Variants in CCDC85A observed in about 807,000 individuals in gnomAD.
CCDC85A encodes the protein coiled-coil domain containing 85A, also known as coiled-coil domain-containing protein 85A.
CCDC85A carries 38 observed loss-of-function variants against 50.2 expected under a neutral mutation model. The observed-to-expected ratio is 0.76, with a 90% CI of 0.58 to 0.99. The LOEUF (loss-of-function observed/expected upper bound fraction) is 0.99, where lower values mean the gene tolerates loss of function less well. Ranked by LOEUF, CCDC85A falls within the 50% of genes least tolerant of loss-of-function variation. CCDC85A has a pLI of 0.00. For synonymous variants in CCDC85A, 366 were observed against 301.4 expected (o/e 1.21, Z -2.22); for missense variants, 820 against 742.0 (o/e 1.11, Z -1.22).
chr2:56,213,303 G>C (rs1187822292), intron 2 of CCDC85A, among the ~76,000 whole-genome samples: 1 of 151,944 alleles, frequency 6.6e-6, no homozygotes, highest in Non-Finnish European at 1.5e-5. Flanking sequence ...AGCTCACTTA[G>C]TCCTTGGACC....
chr2:56,293,621 A>C (rs951664782), intron 2 of CCDC85A, among the ~76,000 whole-genome samples: 3 of 152,214 alleles, frequency 2.0e-5, no homozygotes, highest in African/African-American at 7.2e-5. Context: ...AGAAAAAAAC[A>C]ACTCCATCAA....
At position 56,384,325 on chromosome 2, in the gene CCDC85A, G is replaced by T. The variant is rs757803396; in HGVS notation, c.1632G>T (p.Leu544Phe). Residue 544 changes from leucine to phenylalanine, a missense_variant, in exon 6 of 6, where the codon TTG becomes TTT. Leu to Phe is a conservative substitution (Grantham distance 22). Transcript: ENST00000407595. ...AGSCPGIRQH[L>F]SGNQYKGPM The stretch of plus-strand genomic sequence containing the variant: ...CGTGTCCTGGAATTAGGCAACATTT[G>T]TCAGGAAACCAGTACAAAGGACCAA... 7.4e-6 allele frequency: 12 copies of T among 1,611,012 alleles called. No homozygotes were observed. The South Asian group carries it at 1.2e-4, about 16-fold the overall frequency.
At chr2:56,336,203 G>A (rs1325724749) in intron 2 of CCDC85A, among the ~76,000 whole-genome samples, 1 of 151,920 alleles carries the variant, frequency 6.6e-6, no homozygotes, top group African/African-American at 2.4e-5. Flanking sequence ...CCCCCAGGCT[G>A]GAGTGCAATG....
Position 56,361,501 on chromosome 2 carries a change from T to A in CCDC85A, c.1318-10843T>A, listed in dbSNP as rs528453708. On this transcript the variant is annotated intron_variant, in intron 3 of 5. Coordinates refer to ENST00000407595, the MANE Select transcript of CCDC85A (RefSeq NM_001080433.2). The stretch of plus-strand genomic sequence containing the variant: ...GTAATACATTACCCAAAAGAGGTAA[T>A]CACTATGAAGAAAATAAAAGCAGGG... Among the ~76,000 whole-genome samples the A allele has an allele frequency of 2.6e-5, 4 of 152,202 alleles. No homozygotes were observed. The South Asian group carries it at 8.3e-4, about 32-fold the overall frequency.
intron 3 of CCDC85A, among the ~76,000 whole-genome samples, chr2:56,367,393 C>T (rs1386632815): frequency 1.3e-5 from 2 of 152,126 alleles, no homozygotes; most frequent in Non-Finnish European, 2.9e-5. Context: ...TAAATCCTTT[C>T]AAGCTCCAAA....
intron 5 of CCDC85A, 44 bp from the exon 6 acceptor site, chr2:56,384,222 A>G (rs758396994): frequency 1.9e-6 from 3 of 1,556,132 alleles, no homozygotes; most frequent in African/African-American, 1.4e-5. Context: ...TCTCCTTGTG[A>G]AAGAGGAAAA....
Position 56,234,536 on chromosome 2 carries a change from TC to T in CCDC85A, c.1240+41097del, listed in dbSNP as rs1279979836. On this transcript the variant is annotated intron_variant, in intron 2 of 5. Transcript: ENST00000407595. ...ATTAAACCACCACATATTTTCATTG[TC>T]TCTTGTATTTCATTCTTATTCCCAT... Among the ~76,000 whole-genome samples, 3 of 152,324 alleles carry T rather than the reference TC, an allele frequency of 2.0e-5. No individual in the cohort carries two copies. In the East Asian group the frequency reaches 5.8e-4, roughly 29 times the overall value.
intron 2 of CCDC85A, among the ~76,000 whole-genome samples, chr2:56,319,438 G>T (rs558222893): frequency 6.6e-6 from 1 of 152,042 alleles, no homozygotes; most frequent in Admixed American, 6.6e-5. Context: ...ATTGGCAAAA[G>T]CAGGGTAACT....
At chr2:56,375,505 A>C (rs1470634956) in intron 4 of CCDC85A, among the ~76,000 whole-genome samples, 1 of 152,198 alleles carries the variant, frequency 6.6e-6, no homozygotes, top group Non-Finnish European at 1.5e-5. Flanking sequence ...GTAACTCATG[A>C]ATTTCCTACT....
chr2:56,234,909 G>T (rs187239647), intron 2 of CCDC85A, among the ~76,000 whole-genome samples: 1 of 152,238 alleles, frequency 6.6e-6, no homozygotes, highest in African/African-American at 2.4e-5. Flanking sequence ...TTTTCTGATG[G>T]AGATAGCTTC....
chr2:56,339,602 A>G (rs891688975), intron 2 of CCDC85A, among the ~76,000 whole-genome samples: 5 of 152,262 alleles, frequency 3.3e-5, no homozygotes, highest in Non-Finnish European at 4.4e-5. Flanking sequence ...TGCTTTAAGT[A>G]TCACAGCCTT....
rs993335528 is a variant in CCDC85A, at chr2:56,254,054, A to G, written c.1240+60614A>G. Among the ~76,000 whole-genome samples, 64 of 152,186 alleles carry G rather than the reference A, an allele frequency of 4.2e-4. 1 individual carries two copies. Among genetic ancestry groups the G allele is most frequent in the Non-Finnish European group, 2.9e-5 (2 of 68,038 alleles). ...CTAGTCTTAAGGAAGATACATGTGC[A>G]TGCACACACATATACACATATACAT... On this transcript the variant is annotated intron_variant, in intron 2 of 5. Transcript: ENST00000407595.
chr2:56,310,703 A>G (rs541774331), intron 2 of CCDC85A, among the ~76,000 whole-genome samples: 7 of 152,302 alleles, frequency 4.6e-5, no homozygotes, highest in African/African-American at 1.4e-4. Context: ...ACATCTAACT[A>G]TAAGGTCTAC....
At chr2:56,195,091 A>G (rs1676473364) in intron 2 of CCDC85A, among the ~76,000 whole-genome samples, 1 of 152,222 alleles carries the variant, frequency 6.6e-6, no homozygotes, top group South Asian at 2.1e-4. Context: ...GCACCATTAA[A>G]AGGAAACTTT....
At chr2:56,336,248 A>T (rs1674068377) in intron 2 of CCDC85A, among the ~76,000 whole-genome samples, 2 of 151,952 alleles carry the variant, frequency 1.3e-5, no homozygotes, top group Non-Finnish European at 1.5e-5. Flanking sequence ...TCCACCTCCC[A>T]GGTTCAAGCA....
At chr2:56,293,440 A>G (rs899544656) in intron 2 of CCDC85A, among the ~76,000 whole-genome samples, 1 of 152,230 alleles carries the variant, frequency 6.6e-6, no homozygotes, top group African/African-American at 2.4e-5. Flanking sequence ...TAGCAAAAAC[A>G]TCAAAAGCAA....
At chr2:56,209,374 G>A in intron 2 of CCDC85A, among the ~76,000 whole-genome samples, 1 of 149,158 alleles carries the variant, frequency 6.7e-6, no homozygotes, top group East Asian at 2.0e-4. Context: ...TTTAGGCCTG[G>A]ATGATATTTG....
chr2:56,245,551 C>A (rs1669463327), intron 2 of CCDC85A, among the ~76,000 whole-genome samples: 1 of 152,188 alleles, frequency 6.6e-6, no homozygotes, highest in African/African-American at 2.4e-5. Context: ...TATGAAGTTG[C>A]TTTTTTGCAT....
At chr2:56,332,744 A>T (rs188245263) in intron 2 of CCDC85A, among the ~76,000 whole-genome samples, 1 of 139,192 alleles carries the variant, frequency 7.2e-6, no homozygotes, top group Non-Finnish European at 1.5e-5. Context: ...TGAACACTTA[A>T]GACTTTTTAT....
Sources: gnomAD v4.1 joint callset for allele counts (sites outside exome capture counted in the v4.1 genomes callset) on GRCh38, gnomAD v4.1.1 for gene constraint, MANE v1.5 for transcripts, NCBI Gene and HGNC (gene_info 2026-07-23, HGNC 2026-07-21) for gene names.